Variants in HTR1F observed in about 807,000 individuals in gnomAD.
The protein encoded by HTR1F is 5-hydroxytryptamine (serotonin) receptor 1F, G protein-coupled.
HTR1F carries 17 observed loss-of-function variants against 24.0 expected under a neutral mutation model. That is an observed-to-expected ratio of 0.71 (90% CI 0.48 to 1.06). The LOEUF is 1.06. Ranked by LOEUF, HTR1F falls within the 50% of genes least tolerant of loss-of-function variation. The pLI is 0.00. For missense variants in HTR1F, 391 were observed against 427.8 expected, an observed-to-expected ratio of 0.91 and a Z score of 0.76; for synonymous variants, 186 against 156.8, an observed-to-expected ratio of 1.19 and a Z score of -1.39.
At chr3:87,987,898 C>A (rs948106706) in intron 2 of HTR1F, among the ~76,000 whole-genome samples, 13 of 147,030 alleles carry the variant, frequency 8.8e-5, no homozygotes, top group African/African-American at 2.5e-4. Flanking sequence ...TTAAGAAACT[C>A]CAAGAAATAA....
chr3:87,868,016 T>C (rs1462042168), intron 2 of HTR1F, among the ~76,000 whole-genome samples: 12 of 152,130 alleles, frequency 7.9e-5, no homozygotes, highest in African/African-American at 4.8e-5. Context: ...AAAAATTCCA[T>C]TCCTTATTTT....
intron 2 of HTR1F, among the ~76,000 whole-genome samples, chr3:87,974,560 C>CTT (rs5850821): frequency 2.6e-5 from 4 of 151,924 alleles, no homozygotes; most frequent in South Asian, 2.1e-4. Context: ...GCCTGGCAAT[C>CTT]TTTTTTTAAA....
chr3:87,928,420 C>T (rs1704180647), intron 2 of HTR1F, among the ~76,000 whole-genome samples: 1 of 152,122 alleles, frequency 6.6e-6, no homozygotes, highest in African/African-American at 2.4e-5. Flanking sequence ...ACAGCTCTAG[C>T]ATTTCTAAGT....
At chr3:87,875,558 A>C (rs1304899495) in intron 2 of HTR1F, among the ~76,000 whole-genome samples, 2 of 152,212 alleles carry the variant, frequency 1.3e-5, no homozygotes, top group African/African-American at 4.8e-5. Flanking sequence ...ATATTTGATA[A>C]GGAGTTAATA....
rs996000216 is a variant in HTR1F at position 87,848,631 on chromosome 3, G to A, written c.-43+26507G>A. 4.5e-4 allele frequency among the ~76,000 whole-genome samples: 68 copies of A among 151,854 alleles called. 2 individuals carry two copies. The highest frequency in any genetic ancestry group is 1.5e-3 in the African/African-American group (61 of 41,258). Reference sequence around the variant, plus strand: ...TAAAATAATCTAAATGTTTAAAAATGAGTGGCATTCAATTAGGAAAAGAGG... The same window carrying A: ...TAAAATAATCTAAATGTTTAAAAATAAGTGGCATTCAATTAGGAAAAGAGG... On this transcript the variant is annotated intron_variant, in intron 2 of 2. Transcript: ENST00000319595.
intron 2 of HTR1F, among the ~76,000 whole-genome samples, chr3:87,958,276 T>C (rs1236777237): frequency 2.6e-5 from 4 of 151,622 alleles, no homozygotes; most frequent in African/African-American, 7.3e-5. Flanking sequence ...CTTTATATCC[T>C]TACTGTTTGG....
chr3:87,873,909 C>T (rs1248489552), intron 2 of HTR1F, among the ~76,000 whole-genome samples: 1 of 152,032 alleles, frequency 6.6e-6, no homozygotes, highest in Non-Finnish European at 1.5e-5. Context: ...AGAAAATGTA[C>T]ATGACAAAAT....
intron 1 of HTR1F, among the ~76,000 whole-genome samples, chr3:87,805,195 A>G (rs1259596792): frequency 6.6e-6 from 1 of 151,874 alleles, no homozygotes; most frequent in Non-Finnish European, 1.5e-5. Flanking sequence ...AACAACTTGT[A>G]GAGCAAGGTT....
intron 2 of HTR1F, among the ~76,000 whole-genome samples, chr3:87,914,508 C>A (rs1464576779): frequency 6.6e-6 from 1 of 152,044 alleles, no homozygotes; most frequent in Non-Finnish European, 1.5e-5. Context: ...AGAGGGGGCA[C>A]GCTGCAGGTC....
intron 1 of HTR1F, among the ~76,000 whole-genome samples, chr3:87,797,959 G>A (rs1258385218): frequency 2.6e-5 from 4 of 152,186 alleles, no homozygotes; most frequent in Non-Finnish European, 5.9e-5. Flanking sequence ...CTAGCAGGTT[G>A]AGGAACAGGG....
chr3:87,921,017 T>C (rs1441397333), intron 2 of HTR1F, among the ~76,000 whole-genome samples: 2 of 152,062 alleles, frequency 1.3e-5, no homozygotes, highest in Non-Finnish European at 2.9e-5. Context: ...AGCTCAATAC[T>C]TGGTCTTTAA....
chr3:87,921,863 G>T (rs1414587583), intron 2 of HTR1F, among the ~76,000 whole-genome samples: 2 of 151,786 alleles, frequency 1.3e-5, no homozygotes, highest in South Asian at 2.1e-4. Flanking sequence ...AAGCCTTCAA[G>T]GTTTATCCAT....
chr3:87,968,347 C>T (rs773009923), intron 2 of HTR1F, among the ~76,000 whole-genome samples: 11 of 151,974 alleles, frequency 7.2e-5, no homozygotes, highest in Admixed American at 1.3e-4. Context: ...CAAGTAGCTG[C>T]GATTACAGAT....
intron 2 of HTR1F, among the ~76,000 whole-genome samples, chr3:87,988,463 A>G (rs1420877285): frequency 1.3e-5 from 2 of 152,228 alleles, no homozygotes; most frequent in Non-Finnish European, 2.9e-5. Context: ...GAAGAGAAAA[A>G]TTAAATTTAG....
intron 2 of HTR1F, among the ~76,000 whole-genome samples, chr3:87,981,488 C>A (rs1283252882): frequency 7.2e-5 from 11 of 152,232 alleles, no homozygotes; most frequent in Admixed American, 6.5e-4. Flanking sequence ...AGCCACCATG[C>A]CTGGCCGCAA....
chr3:87,856,720 A>G (rs1391320561), intron 2 of HTR1F, among the ~76,000 whole-genome samples: 2 of 152,192 alleles, frequency 1.3e-5, no homozygotes, highest in Non-Finnish European at 2.9e-5. Context: ...TTCAGAATAT[A>G]CAACTAAACA....
chr3:87,979,852 C>A (rs1386248928), intron 2 of HTR1F, among the ~76,000 whole-genome samples: 1 of 152,222 alleles, frequency 6.6e-6, no homozygotes, highest in Non-Finnish European at 1.5e-5. Flanking sequence ...TGCAACCCTG[C>A]AGCTGAATCA....
chr3:87,921,107 C>A lies in HTR1F; in HGVS notation c.-42-69601C>A, dbSNP rs369782874. ...TAGCTTATCTTTCATATTTGTCGAACATCTACAAATAAATGTCTATTGCTA... is the reference window on the plus strand; with the variant it reads ...TAGCTTATCTTTCATATTTGTCGAAAATCTACAAATAAATGTCTATTGCTA... On this transcript the variant is annotated intron_variant, in intron 2 of 2. Transcript: ENST00000319595. Among the ~76,000 whole-genome samples, 7 of 151,880 alleles carry A rather than the reference C, an allele frequency of 4.6e-5. No individual in the cohort carries two copies. The South Asian group carries it at 1.2e-3, about 27-fold the overall frequency.
At chr3:87,877,374 T>C (rs990297362) in intron 2 of HTR1F, among the ~76,000 whole-genome samples, 5 of 152,052 alleles carry the variant, frequency 3.3e-5, no homozygotes, top group African/African-American at 1.2e-4. Context: ...TGCTTTCAAT[T>C]CACTAAAAAT....
Sources: gnomAD v4.1 joint callset for allele counts (sites outside exome capture counted in the v4.1 genomes callset) on GRCh38, gnomAD v4.1.1 for gene constraint, MANE v1.5 for transcripts, NCBI Gene and HGNC (gene_info 2026-07-23, HGNC 2026-07-21) for gene names.